DGKI: variants seen among roughly 807,000 people sequenced by gnomAD.
DGKI encodes the protein diacylglycerol kinase iota.
A neutral mutation model predicts 147.5 loss-of-function variants in DGKI; 55 were observed. The observed-to-expected ratio is 0.37, with a 90% CI of 0.30 to 0.47. The LOEUF is 0.47. Ranked by LOEUF, DGKI falls within the 20% of genes least tolerant of loss-of-function variation. The pLI is 1.00. For synonymous variants in DGKI, 469 were observed against 477.1 expected (o/e 0.98, Z 0.22); for missense variants, 1,007 against 1,323.8 (o/e 0.76, Z 3.71).
chr7:137,703,260 T>A (rs968211237), intron 1 of DGKI, among the ~76,000 whole-genome samples: 1 of 152,168 alleles, frequency 6.6e-6, no homozygotes, highest in Non-Finnish European at 1.5e-5. Flanking sequence ...TCAGATCTCA[T>A]GAGAACTCAC....
At chr7:137,397,554 A>G in intron 30 of DGKI, 141 bp from the exon 31 acceptor site, 1 of 719,718 alleles carries the variant, frequency 1.4e-6, no homozygotes. Context: ...GAAAAATAAA[A>G]GGATTCCTCT....
intron 20 of DGKI, among the ~76,000 whole-genome samples, chr7:137,526,483 G>A (rs890351751): frequency 9.2e-5 from 14 of 151,862 alleles, no homozygotes; most frequent in Non-Finnish European, 1.8e-4. Flanking sequence ...GAAGTTCGTG[G>A]CTCTGGACTT....
chr7:137,767,549 GGAAGA>G (rs202236806), intron 1 of DGKI, among the ~76,000 whole-genome samples: 1,337 of 120,882 alleles, frequency 0.011, 19 homozygotes, highest in African/African-American at 0.036. Context: ...AGGAGGAAGA[GGAAGA>G]GAAGAGAAGA....
At chr7:137,608,108 T>C (rs1342384691) in intron 10 of DGKI, among the ~76,000 whole-genome samples, 1 of 152,198 alleles carries the variant, frequency 6.6e-6, no homozygotes, top group African/African-American at 2.4e-5. Context: ...TTATACAACT[T>C]ACCTTCCTTA....
chr7:137,585,917 A>G (rs1819377070), intron 13 of DGKI, among the ~76,000 whole-genome samples: 1 of 152,202 alleles, frequency 6.6e-6, no homozygotes, highest in Non-Finnish European at 1.5e-5. Context: ...ACTGTCCTCA[A>G]TAGGATATGC....
intron 1 of DGKI, among the ~76,000 whole-genome samples, chr7:137,772,834 C>G (rs1391159557): frequency 6.6e-6 from 1 of 152,210 alleles, no homozygotes; most frequent in Non-Finnish European, 1.5e-5. Flanking sequence ...TCAACACAGA[C>G]AAGCTTTCTT....
chr7:137,673,482 G>A (rs1457072132), intron 3 of DGKI, among the ~76,000 whole-genome samples: 1 of 152,202 alleles, frequency 6.6e-6, no homozygotes, highest in Non-Finnish European at 1.5e-5. Context: ...AGATTAAAAG[G>A]TAAAATGGCA....
rs1447639557 is a variant in DGKI at position 137,786,836 on chromosome 7, C to CAACTGTTGTT, written c.401+59625_401+59626insAACAACAGTT. Among the ~76,000 whole-genome samples, 7 of 152,234 alleles carry CAACTGTTGTT rather than the reference C, an allele frequency of 4.6e-5. No individual in the cohort carries two copies. In the East Asian group the frequency reaches 7.7e-4, roughly 17 times the overall value. On this transcript the variant is annotated intron_variant, in intron 1 of 32. Coordinates refer to ENST00000614521, the MANE Select transcript of DGKI (RefSeq NM_001321708.2). The stretch of plus-strand genomic sequence containing the variant: ...AATAAAGCCAAATACTTACAGCCAA[C>CAACTGTTGTT]TGATCTTCAACAAAACAAACAACAA...
chr7:137,774,959 C>T (rs1042063673), intron 1 of DGKI: 1 of 152,082 alleles, frequency 6.6e-6, no homozygotes, highest in East Asian at 1.9e-4. Flanking sequence ...CTTCATCTGC[C>T]GTCAATATCT....
At chr7:137,792,062 T>G (rs1265244292) in intron 1 of DGKI, among the ~76,000 whole-genome samples, 1 of 152,208 alleles carries the variant, frequency 6.6e-6, no homozygotes, top group Non-Finnish European at 1.5e-5. Flanking sequence ...CTGAGAGCAC[T>G]GCTCTGAGGC....
chr7:137,813,153 C>G (rs1797641808), intron 1 of DGKI, among the ~76,000 whole-genome samples: 1 of 152,140 alleles, frequency 6.6e-6, no homozygotes, highest in Non-Finnish European at 1.5e-5. Flanking sequence ...TTAGGGGGAC[C>G]AGGTACAGTT....
At chr7:137,627,172 T>C (rs1563119378) in intron 6 of DGKI, among the ~76,000 whole-genome samples, 1 of 152,198 alleles carries the variant, frequency 6.6e-6, no homozygotes, top group African/African-American at 2.4e-5. Flanking sequence ...TATCTAAATT[T>C]TGCTTCCACT....
chr7:137,578,068 C>A (rs10270097), intron 16 of DGKI, among the ~76,000 whole-genome samples: 13,495 of 152,228 alleles, frequency 0.089, 769 homozygotes, highest in African/African-American at 0.17. Flanking sequence ...AGATGAGGAA[C>A]ACCAACTCTC....
intron 27 of DGKI, among the ~76,000 whole-genome samples, chr7:137,456,735 C>T (rs774721345): frequency 1.3e-5 from 2 of 152,100 alleles, no homozygotes; most frequent in Non-Finnish European, 2.9e-5. Context: ...CAATGAAGGG[C>T]GAGAATTTCC....
At chr7:137,680,772 T>C (rs1392909610) in intron 2 of DGKI, among the ~76,000 whole-genome samples, 1 of 152,044 alleles carries the variant, frequency 6.6e-6, no homozygotes, top group Admixed American at 6.6e-5. Context: ...TGGATCAATA[T>C]TCTGACTCAA....
At chr7:137,777,118 G>A (rs1243134464) in intron 1 of DGKI, among the ~76,000 whole-genome samples, 3 of 152,130 alleles carry the variant, frequency 2.0e-5, no homozygotes, top group Non-Finnish European at 4.4e-5. Context: ...CTTAAGCCCA[G>A]GAGTTTGAGG....
chr7:137,638,613 C>CATATATGTATATGTGTGTATAT lies in DGKI; in HGVS notation c.804+6858_804+6859insATATACACACATATACATATAT, dbSNP rs1554446609. Among the ~76,000 whole-genome samples, 6 of 15,746 alleles carry CATATATGTATATGTGTGTATAT rather than the reference C, an allele frequency of 3.8e-4. 1 individual carries two copies. The highest frequency in any genetic ancestry group is 1.1e-3 in the African/African-American group (3 of 2,662). The allele number at this position is 15,746 out of a possible 152,430, so 10.3% of individuals were successfully genotyped here. A position where few individuals can be genotyped will look rare whatever the true frequency, so the allele number is the denominator to read the frequency against. ...ATATATACATATATGTATATATATA[C>CATATATGTATATGTGTGTATAT]ACACACACATATATATGTGTGTATA... is the stretch of plus-strand genomic sequence containing the variant. On this transcript the variant is annotated intron_variant, in intron 6 of 32. Transcript: ENST00000614521.
chr7:137,819,332 G>A (rs1259931428), intron 1 of DGKI, among the ~76,000 whole-genome samples: 2 of 137,902 alleles, frequency 1.5e-5, no homozygotes, highest in Admixed American at 1.5e-4. Flanking sequence ...TTTTTTTTGA[G>A]ACAGAGTCTC....
At chr7:137,613,220 A>G (rs527585947) in intron 8 of DGKI, among the ~76,000 whole-genome samples, 20 of 152,208 alleles carry the variant, frequency 1.3e-4, no homozygotes, top group Non-Finnish European at 2.5e-4. Context: ...GTCATCCCAA[A>G]TAAAGTCTCC....
Sources: gnomAD v4.1 joint callset for allele counts (sites outside exome capture counted in the v4.1 genomes callset) on GRCh38, gnomAD v4.1.1 for gene constraint, MANE v1.5 for transcripts, NCBI Gene and HGNC (gene_info 2026-07-23, HGNC 2026-07-21) for gene names.